Variants in LCP1 observed in about 807,000 individuals in gnomAD.
LCP1 encodes the protein plastin-2.
A neutral mutation model predicts 72.0 loss-of-function variants in LCP1; 23 were observed. That is an observed-to-expected ratio of 0.32 (90% CI 0.23 to 0.45). The LOEUF is 0.45. LCP1 is among the 20% of genes least tolerant of loss of function. LCP1 has a pLI of 1.00. For synonymous variants in LCP1, 245 were observed against 275.4 expected (o/e 0.89, Z 1.09); for missense variants, 571 against 748.3 (o/e 0.76, Z 2.76).
At chr13:46,131,296 A>G (rs183997787) in intron 14 of LCP1, among the ~76,000 whole-genome samples, 3 of 152,360 alleles carry the variant, frequency 2.0e-5, no homozygotes, top group Admixed American at 1.3e-4. Flanking sequence ...GACCAAAACC[A>G]CAATGAGATA....
intron 1 of LCP1, among the ~76,000 whole-genome samples, chr13:46,160,148 C>T (rs1225131491): frequency 6.6e-6 from 1 of 152,192 alleles, no homozygotes; most frequent in African/African-American, 2.4e-5. Context: ...ACTGGGTGCA[C>T]TGGTTAACAA....
At chr13:46,149,461 G>T (rs1365769524) in intron 8 of LCP1, among the ~76,000 whole-genome samples, 1 of 152,130 alleles carries the variant, frequency 6.6e-6, no homozygotes, top group Non-Finnish European at 1.5e-5. Flanking sequence ...GCCTGCCCTG[G>T]GTTACATCTT....
Position 46,158,562 on chromosome 13 carries a change from A to C in LCP1, c.318T>G (p.Thr106=), listed in dbSNP as rs771810500. The change falls in exon 4 of 16, where the codon ACT becomes ACG. Residue 106 remains threonine, a synonymous_variant. Transcript: ENST00000323076. ...KKEGICAIGG[T]SEQSSVGTQH... ...GGGTGCCAACGCTAGACTGCTCTGA[A>C]GTACCACCGATTGCACAAATCCCTT... The C allele has an allele frequency of 2.8e-5, 46 of 1,614,104 alleles. No homozygotes were observed. The Admixed American group carries it at 7.0e-4, about 25-fold the overall frequency.
intron 13 of LCP1, among the ~76,000 whole-genome samples, chr13:46,137,983 C>T (rs994882156): frequency 6.6e-6 from 1 of 152,224 alleles, no homozygotes; most frequent in Non-Finnish European, 1.5e-5. Flanking sequence ...AGGACCCATC[C>T]TGACTTCACC....
At chr13:46,176,278 C>T (rs139550864) in intron 1 of LCP1, among the ~76,000 whole-genome samples, 162 of 152,260 alleles carry the variant, frequency 1.1e-3, no homozygotes, top group Non-Finnish European at 2.1e-3. Context: ...CATCACTAGA[C>T]ATTGTATGTA....
chr13:46,178,000 T>TTACAAATAAGCACCATGGTTTGC (rs2045939911), intron 1 of LCP1, among the ~76,000 whole-genome samples: 1 of 150,108 alleles, frequency 6.7e-6, no homozygotes, highest in Admixed American at 6.6e-5. Flanking sequence ...GAGGGCTTAG[T>TTACAAATAAGCACCATGGTTTGC]TACAAATAAG....
intron 1 of LCP1, among the ~76,000 whole-genome samples, chr13:46,171,172 C>T (rs2045902765): frequency 6.6e-6 from 1 of 152,176 alleles, no homozygotes; most frequent in African/African-American, 2.4e-5. Context: ...TAATTCTCAC[C>T]ACAATCCTAT....
chr13:46,178,075 T>G (rs980926854), intron 1 of LCP1, among the ~76,000 whole-genome samples: 1 of 152,102 alleles, frequency 6.6e-6, no homozygotes, highest in Non-Finnish European at 1.5e-5. Context: ...AAGACAAAAT[T>G]GATCCAATTG....
At position 46,178,734 on chromosome 13, in the gene LCP1, G is replaced by A. The variant is rs923364731; in HGVS notation, c.-25+3377C>T. 9.9e-5 allele frequency among the ~76,000 whole-genome samples: 15 copies of A among 152,102 alleles called. No individual in the cohort carries two copies. The East Asian group carries it at 2.5e-3, about 25-fold the overall frequency. ...ATATCTGTAAGTTGGGAAACTAGCA[G>A]ATAAAAAAACACTAGGAAGAAAATT... is the stretch of plus-strand genomic sequence containing the variant. On this transcript the variant is annotated intron_variant, in intron 1 of 15. Transcript: ENST00000323076.
intron 1 of LCP1, among the ~76,000 whole-genome samples, chr13:46,165,597 G>A (rs771139802): frequency 7.9e-5 from 12 of 152,170 alleles, no homozygotes; most frequent in Non-Finnish European, 1.6e-4. Flanking sequence ...GCTAAAGAAA[G>A]CATGTATCTT....
In LCP1 at chr13:46,142,359, C is replaced by T. The variant is rs2045703715; in HGVS notation, c.1435G>A (p.Gly479Ser). 1.2e-6 allele frequency: 2 copies of T among 1,613,996 alleles called. No homozygotes were observed. The highest frequency in any genetic ancestry group is 8.5e-7 in the Non-Finnish European group (1 of 1,179,938). ...NQAKFSLVGI[G>S]GQDLNEGNRT... ...TTTCCTTCATTGAGATCTTGTCCAC[C>T]GATGCCAACCAGGGAGAACTTCGCT... The change falls in exon 13 of 16, where the codon GGT becomes AGT. Residue 479 changes from glycine (G) to serine (S), a missense_variant. Transcript: ENST00000323076.
chr13:46,160,339 T>C (rs549910296), intron 1 of LCP1, among the ~76,000 whole-genome samples: 12 of 152,214 alleles, frequency 7.9e-5, no homozygotes, highest in Non-Finnish European at 1.8e-4. Flanking sequence ...AAACGAGTGA[T>C]GTCTTAAGTC....
intron 13 of LCP1, among the ~76,000 whole-genome samples, chr13:46,139,205 G>T (rs977957266): frequency 6.6e-6 from 1 of 152,200 alleles, no homozygotes; most frequent in African/African-American, 2.4e-5. Flanking sequence ...TAAACTAAAA[G>T]ACAGAGTTGG....
At position 46,162,895 on chromosome 13, in the gene LCP1, C is replaced by A. The variant is rs1036330481; in HGVS notation, c.-24-3209G>T. 1.0e-4 allele frequency among the ~76,000 whole-genome samples: 15 copies of A among 148,442 alleles called. 1 individual carries two copies. The highest frequency in any genetic ancestry group is 2.8e-4 in the African/African-American group (11 of 39,024). The stretch of plus-strand genomic sequence containing the variant: ...GCTGCCCCGTCTGAGAAGTGAGGAG[C>A]CCCTCCGCCCGGCAGCCGCCCTGTC... On this transcript the variant is annotated intron_variant, in intron 1 of 15. Transcript: ENST00000323076.
chr13:46,143,748 A>C (rs551956553), intron 11 of LCP1, among the ~76,000 whole-genome samples: 23 of 152,386 alleles, frequency 1.5e-4, no homozygotes, highest in African/African-American at 5.3e-4. Flanking sequence ...AAAGGTTTAC[A>C]ATTTGTAAAA....
At chr13:46,181,016 CACAG>C (rs1016498658) in intron 1 of LCP1, among the ~76,000 whole-genome samples, 5 of 152,196 alleles carry the variant, frequency 3.3e-5, no homozygotes, top group African/African-American at 1.2e-4. Context: ...AATTTGTCTA[CACAG>C]ACATTCTTTA....
At chr13:46,157,102 G>A (rs1048096657) in intron 4 of LCP1, among the ~76,000 whole-genome samples, 1 of 151,770 alleles carries the variant, frequency 6.6e-6, no homozygotes, top group Non-Finnish European at 1.5e-5. Context: ...TTGCAGGTGT[G>A]AGCCACCGCG....
intron 1 of LCP1, among the ~76,000 whole-genome samples, chr13:46,163,038 C>T (rs1245785594): frequency 1.3e-5 from 2 of 149,704 alleles, no homozygotes; most frequent in African/African-American, 4.9e-5. Context: ...CCCGGCCAGC[C>T]GCCCCGTCCG....
rs912696365 is a variant in LCP1, at chr13:46,159,414, G to T, written c.64+185C>A. Reference sequence around the variant, plus strand: ...GAGTAGAGTCCATATTCCATGTTTTGATAGAGAAAGTCATTTTATTGAAGC... The same window carrying T: ...GAGTAGAGTCCATATTCCATGTTTTTATAGAGAAAGTCATTTTATTGAAGC... On this transcript the variant is annotated intron_variant, in intron 2 of 15. Transcript: ENST00000323076. 6.7e-6 allele frequency: 4 copies of T among 596,078 alleles called. No individual in the cohort carries two copies. The African/African-American group carries it at 7.4e-5, about 11-fold the overall frequency. The allele number at this position is 596,078 out of a possible 1,614,324, so 36.9% of individuals were successfully genotyped here.
Sources: gnomAD v4.1 joint callset for allele counts (sites outside exome capture counted in the v4.1 genomes callset) on GRCh38, gnomAD v4.1.1 for gene constraint, MANE v1.5 for transcripts, NCBI Gene and HGNC (gene_info 2026-07-23, HGNC 2026-07-21) for gene names.